TMEM260: variants seen among roughly 807,000 people sequenced by gnomAD.
TMEM260 encodes the protein transmembrane protein 260.
In TMEM260, 82 loss-of-function variants were observed where a neutral mutation model predicts 88.9. The observed-to-expected ratio is 0.92, with a 90% CI of 0.77 to 1.11. The LOEUF is 1.11. TMEM260 is among the 50% of genes least tolerant of loss of function. The pLI is 0.00. For synonymous variants in TMEM260, 314 were observed against 309.3 expected, an observed-to-expected ratio of 1.02 and a Z score of -0.16; for missense variants, 902 against 853.4, an observed-to-expected ratio of 1.06 and a Z score of -0.71.
At chr14:56,644,074 A>C (rs1463439419) in intron 15 of TMEM260, among the ~76,000 whole-genome samples, 18 of 152,198 alleles carry the variant, frequency 1.2e-4, no homozygotes, top group Non-Finnish European at 4.4e-5. Context: ...GAAAATGGCC[A>C]TACTGCCCAA....
At chr14:56,627,332 TA>T (rs917359745) in intron 12 of TMEM260, among the ~76,000 whole-genome samples, 1 of 152,150 alleles carries the variant, frequency 6.6e-6, no homozygotes. Context: ...AACACATATA[TA>T]AAAAATGCAT....
In TMEM260 at chr14:56,621,619, AGAG is replaced by A; in HGVS notation, c.1319_1321del (p.Gly440del). On this transcript the variant is annotated inframe_deletion, in exon 11 of 16. Transcript: ENST00000261556. ...GCCTCATGATGCAATTATCTTACTC[AGAG>A]GAGATTTGCCAGGAAATTCTCTCCG... 1.2e-6 allele frequency: 2 copies of A among 1,613,654 alleles called. No individual in the cohort carries two copies. Among genetic ancestry groups the A allele is most frequent in the East Asian group, 2.2e-5 (1 of 44,826 alleles).
chr14:56,638,603 A>G (rs967567238), intron 15 of TMEM260, among the ~76,000 whole-genome samples: 2 of 152,054 alleles, frequency 1.3e-5, no homozygotes, highest in Admixed American at 1.3e-4. Flanking sequence ...TCCTTTGCAC[A>G]TAGTCTCCAG....
chr14:56,633,283 ATT>A (rs1300446372), intron 13 of TMEM260, 112 bp downstream of exon 13: 1 of 795,774 alleles, frequency 1.3e-6, no homozygotes, highest in Non-Finnish European at 1.9e-6. Context: ...AATTGTTAAT[ATT>A]GTTACTTGCT....
chr14:56,638,656 A>T (rs1889317316), intron 15 of TMEM260, among the ~76,000 whole-genome samples: 1 of 152,162 alleles, frequency 6.6e-6, no homozygotes, highest in Non-Finnish European at 1.5e-5. Flanking sequence ...CAATTACTTC[A>T]TGGTAATTAC....
downstream of TMEM260, among the ~76,000 whole-genome samples, chr14:56,653,272 ACCTTC>A (rs1890237981): frequency 6.6e-6 from 1 of 152,166 alleles, no homozygotes; most frequent in African/African-American, 2.4e-5. Flanking sequence ...GTTTCATGGA[ACCTTC>A]AGTTTCATTT....
downstream of TMEM260, chr14:56,650,724 T>G (rs1326890308): frequency 6.6e-6 from 1 of 151,796 alleles, no homozygotes; most frequent in Non-Finnish European, 1.5e-5. Flanking sequence ...CGGTAACTTT[T>G]AAGTCATCAG....
chr14:56,650,947 T>A (rs1594911763), downstream of TMEM260, among the ~76,000 whole-genome samples: 1 of 152,232 alleles, frequency 6.6e-6, no homozygotes, highest in African/African-American at 2.4e-5. Flanking sequence ...AGGATATTAC[T>A]TAGAATTCTG....
chr14:56,582,012 T>G (rs2139489402), intron 1 of TMEM260, among the ~76,000 whole-genome samples: 1 of 152,332 alleles, frequency 6.6e-6, no homozygotes, highest in Non-Finnish European at 1.5e-5. Context: ...TTAATTTTGT[T>G]TGGTTTGATG....
At chr14:56,615,229 G>C (rs1887526051) in intron 7 of TMEM260, among the ~76,000 whole-genome samples, 1 of 152,114 alleles carries the variant, frequency 6.6e-6, no homozygotes, top group Non-Finnish European at 1.5e-5. Flanking sequence ...ATTGCCGGTA[G>C]GGAGAAGAAA....
chr14:56,593,422 G>A (rs12893219), intron 3 of TMEM260: 68,841 of 151,804 alleles, frequency 0.45, 16,439 homozygotes, highest in East Asian at 0.77. Flanking sequence ...TGTGAATTAC[G>A]TGGTTTTATT....
rs1239908022 is a variant in TMEM260 at position 56,585,886 on chromosome 14, A to G, written c.318A>G (p.Ala106=). Residue 106 remains alanine (A), a synonymous_variant, in exon 3 of 16, where the codon GCA becomes GCG. Coordinates refer to ENST00000261556, the MANE Select transcript of TMEM260 (RefSeq NM_017799.4). ...GTGGCTTATTTGGAGCAGTAGCTGC[A>G]TCATTACTTTTTTTCACCGTTTTCA... ...LLCGLFGAVA[A]SLLFFTVFRL... 10 of 1,612,526 alleles carry G rather than the reference A, an allele frequency of 6.2e-6. No homozygotes were observed. Among genetic ancestry groups the G allele is most frequent in the Non-Finnish European group, 8.5e-6 (10 of 1,179,474 alleles).
At position 56,585,017 on chromosome 14, in the gene TMEM260, C is replaced by G. The variant is rs144653056; in HGVS notation, c.177C>G (p.Ala59=). ...PGGDSGELIT[A]AHELGVAHPP... ...TTTTCACAGGGGAACTGATCACAGC[C>G]GCACATGAGCTTGGAGTAAGTATTA... is the stretch of plus-strand genomic sequence containing the variant. Residue 59 remains alanine, a synonymous_variant, in exon 2 of 16, where the codon GCC becomes GCG. Coordinates refer to ENST00000261556, the MANE Select transcript of TMEM260 (RefSeq NM_017799.4). 5 of 1,611,948 alleles carry G rather than the reference C, an allele frequency of 3.1e-6. No homozygotes were observed. The highest frequency in any genetic ancestry group is 4.2e-6 in the Non-Finnish European group (5 of 1,178,876).
chr14:56,661,229 C>T, the TMEM260 span, among the ~76,000 whole-genome samples: 1 of 151,240 alleles, frequency 6.6e-6, no homozygotes, highest in African/African-American at 2.4e-5. Flanking sequence ...GCCACCCCTC[C>T]TCCTCCTAGA....
chr14:56,624,995 T>C (rs1888154516), intron 11 of TMEM260, among the ~76,000 whole-genome samples: 1 of 152,148 alleles, frequency 6.6e-6, no homozygotes, highest in Non-Finnish European at 1.5e-5. Flanking sequence ...CAGTTCACAA[T>C]AGGTTCACAC....
intron 10 of TMEM260, 24 bp from the exon 11 acceptor site, chr14:56,621,507 A>C (rs769912726): frequency 1.3e-6 from 2 of 1,569,666 alleles, no homozygotes; most frequent in Admixed American, 3.8e-5. Context: ...TGCTATTTTA[A>C]TTTTTTTGGA....
intron 3 of TMEM260, among the ~76,000 whole-genome samples, chr14:56,596,157 C>T (rs1170296475): frequency 6.6e-6 from 1 of 151,808 alleles, no homozygotes; most frequent in Non-Finnish European, 1.5e-5. Context: ...TAATTTTTTG[C>T]AGTTTAAAAA....
chr14:56,630,298 A>G (rs1888505660), intron 12 of TMEM260, among the ~76,000 whole-genome samples: 1 of 152,116 alleles, frequency 6.6e-6, no homozygotes, highest in Non-Finnish European at 1.5e-5. Context: ...TCTTTCACAA[A>G]ATTTGGGAAT....
At chr14:56,602,892 G>C (rs745849303) in intron 3 of TMEM260, among the ~76,000 whole-genome samples, 25 of 152,122 alleles carry the variant, frequency 1.6e-4, no homozygotes, top group Non-Finnish European at 1.5e-4. Flanking sequence ...AAAATCAATG[G>C]TTTGGAGCTA....
Sources: allele counts gnomAD v4.1 joint callset (sites outside exome capture counted in the v4.1 genomes callset), GRCh38; gene constraint gnomAD v4.1.1; transcripts MANE v1.5; gene names NCBI Gene and HGNC (gene_info 2026-07-23, HGNC 2026-07-21).